Variants in NTM observed in about 807,000 individuals in gnomAD.
NTM encodes IgLON family member 2.
Under a neutral mutation model 42.1 loss-of-function variants are expected in NTM, and 13 were observed. The ratio of observed to expected loss-of-function variants is 0.31; its 90% CI spans 0.20 to 0.49. NTM has a LOEUF of 0.49. NTM is among the 20% of genes least tolerant of loss of function. NTM has a pLI of 0.99. For synonymous variants in NTM, 187 were observed against 179.2 expected, an observed-to-expected ratio of 1.04 and a Z score of -0.35; for missense variants, 373 against 452.8, an observed-to-expected ratio of 0.82 and a Z score of 1.60.
At chr11:132,137,458 C>A (rs1591758198) in intron 2 of NTM, among the ~76,000 whole-genome samples, 1 of 152,212 alleles carries the variant, frequency 6.6e-6, no homozygotes, top group African/African-American at 2.4e-5. Context: ...CCTGCCTGCT[C>A]TTTGTCTTCA....
chr11:131,710,124 G>C (rs577562884), intron 1 of NTM, among the ~76,000 whole-genome samples: 108 of 152,250 alleles, frequency 7.1e-4, no homozygotes, highest in African/African-American at 2.2e-3. Flanking sequence ...AGCCATGAGA[G>C]ACAGAAAGGC....
intron 4 of NTM, 134 bp downstream of exon 4, chr11:132,212,281 T>C: frequency 1.5e-6 from 1 of 679,950 alleles, no homozygotes; most frequent in Middle Eastern, 2.9e-4. Context: ...AATCTACTCA[T>C]GGCTCTGCAG....
At chr11:131,683,749 C>T (rs1187522716) in intron 1 of NTM, among the ~76,000 whole-genome samples, 5 of 152,160 alleles carry the variant, frequency 3.3e-5, no homozygotes, top group Non-Finnish European at 2.9e-5. Flanking sequence ...TGATGCAGGG[C>T]GATGCCAAAG....
At chr11:131,521,036 G>C (rs1188740204) in intron 1 of NTM, among the ~76,000 whole-genome samples, 2 of 152,092 alleles carry the variant, frequency 1.3e-5, no homozygotes, top group Non-Finnish European at 2.9e-5. Context: ...AAAGAAGCAA[G>C]GTGCTTGGCC....
chr11:132,048,287 A>C (rs971738542), intron 2 of NTM, among the ~76,000 whole-genome samples: 1 of 152,166 alleles, frequency 6.6e-6, no homozygotes, highest in Non-Finnish European at 1.5e-5. Context: ...GCGGCAAAGC[A>C]GAGCCCAAGA....
chr11:131,858,737 C>T (rs2046345096), intron 1 of NTM, among the ~76,000 whole-genome samples: 1 of 152,178 alleles, frequency 6.6e-6, no homozygotes. Flanking sequence ...TCTGAATCCT[C>T]CCTTCTGGAA....
At chr11:132,073,991 T>C (rs1402914735) in intron 2 of NTM, among the ~76,000 whole-genome samples, 1 of 152,198 alleles carries the variant, frequency 6.6e-6, no homozygotes, top group Non-Finnish European at 1.5e-5. Flanking sequence ...GAATGTGTGC[T>C]AACAGGCTGC....
At chr11:131,679,318 A>G (rs1324081343) in intron 1 of NTM, among the ~76,000 whole-genome samples, 1 of 152,176 alleles carries the variant, frequency 6.6e-6, no homozygotes, top group Non-Finnish European at 1.5e-5. Flanking sequence ...CAATGGAAAG[A>G]AGTAGGGAGG....
At chr11:131,749,800 A>C (rs1004124644) in intron 1 of NTM, among the ~76,000 whole-genome samples, 1 of 152,092 alleles carries the variant, frequency 6.6e-6, no homozygotes, top group Admixed American at 6.5e-5. Context: ...GGGTTTCACT[A>C]TGCTGGTCAG....
At chr11:131,706,634 C>A (rs2076617936) in intron 1 of NTM, among the ~76,000 whole-genome samples, 1 of 151,916 alleles carries the variant, frequency 6.6e-6, no homozygotes, top group Non-Finnish European at 1.5e-5. Context: ...TTATCAAGTT[C>A]TTTTATAACC....
chr11:132,036,234 G>T (rs528148652), intron 2 of NTM, among the ~76,000 whole-genome samples: 4 of 152,210 alleles, frequency 2.6e-5, no homozygotes, highest in Non-Finnish European at 5.9e-5. Flanking sequence ...GATGCTATTT[G>T]TTCTCCTCAA....
chr11:131,661,310 G>A (rs1331826303), intron 1 of NTM: 2 of 238,884 alleles, frequency 8.4e-6, no homozygotes, highest in African/African-American at 2.2e-5. Context: ...CAGCTACATT[G>A]CTGTGAGTAG....
chr11:131,894,116 T>C (rs1419696302), intron 1 of NTM, among the ~76,000 whole-genome samples: 3 of 152,138 alleles, frequency 2.0e-5, no homozygotes, highest in East Asian at 3.9e-4. Context: ...CTGTGAACAA[T>C]GGACTTCTGG....
At position 131,444,185 on chromosome 11, in the gene NTM, G is replaced by T. The variant is rs937803416; in HGVS notation, c.82+73297G>T. Among the ~76,000 whole-genome samples the T allele has an allele frequency of 4.1e-5, 5 of 123,200 alleles. No individual in the cohort carries two copies. The Admixed American group carries it at 4.7e-4, about 12-fold the overall frequency. 80.8% of individuals were successfully genotyped at this position (123,200 alleles called of 152,430 possible). A position where few individuals can be genotyped will look rare whatever the true frequency, so the allele number is the denominator to read the frequency against. ...GGAAGTCAAACCCTGATGCTCAACA[G>T]TGGCTAAAGGTTAGAACCAAAAAAA... On this transcript the variant is annotated intron_variant, in intron 1 of 8. Transcript: ENST00000683400.
At chr11:132,118,409 C>T (rs928698855) in intron 2 of NTM, among the ~76,000 whole-genome samples, 1 of 152,198 alleles carries the variant, frequency 6.6e-6, no homozygotes, top group African/African-American at 2.4e-5. Flanking sequence ...TGGGACTTGG[C>T]ATTGCATCTC....
At chr11:131,794,701 T>G (rs2091350354) in intron 1 of NTM, 1 of 985,300 alleles carries the variant, frequency 1.0e-6, no homozygotes, top group Admixed American at 6.1e-5. Flanking sequence ...TAAGACACAG[T>G]GTCCTAGAAT....
chr11:131,756,781 CATCTG>C (rs1282970353), intron 1 of NTM, among the ~76,000 whole-genome samples: 1 of 152,140 alleles, frequency 6.6e-6, no homozygotes, highest in Non-Finnish European at 1.5e-5. Flanking sequence ...ACGGGCTAGT[CATCTG>C]ATTTACTTTA....
chr11:132,089,241 G>A (rs1171860771), intron 2 of NTM, among the ~76,000 whole-genome samples: 2 of 152,190 alleles, frequency 1.3e-5, no homozygotes, highest in African/African-American at 4.8e-5. Flanking sequence ...GTGCACTTTG[G>A]CTTTCACTGG....
At chr11:131,428,974 G>A (rs1190523774) in intron 1 of NTM, among the ~76,000 whole-genome samples, 3 of 151,530 alleles carry the variant, frequency 2.0e-5, no homozygotes, top group South Asian at 2.1e-4. Context: ...AGAATTGTTC[G>A]AACCCAGGAG....
Sources: allele counts gnomAD v4.1 joint callset (sites outside exome capture counted in the v4.1 genomes callset), GRCh38; gene constraint gnomAD v4.1.1; transcripts MANE v1.5; gene names NCBI Gene and HGNC (gene_info 2026-07-23, HGNC 2026-07-21).